Variants in MTUS2 observed in about 807,000 individuals in gnomAD.
The protein encoded by MTUS2 is microtubule associated scaffold protein 2.
Under a neutral mutation model 114.1 loss-of-function variants are expected in MTUS2, and 40 were observed. That is an observed-to-expected ratio of 0.35 (90% CI 0.27 to 0.46). The LOEUF (loss-of-function observed/expected upper bound fraction) is 0.46, where lower values mean the gene tolerates loss of function less well. Ranked by LOEUF, MTUS2 falls within the 20% of genes least tolerant of loss-of-function variation. MTUS2 has a pLI of 1.00. For synonymous variants in MTUS2, 688 were observed against 672.0 expected (o/e 1.02, Z -0.37); for missense variants, 1,679 against 1,705.4 (o/e 0.98, Z 0.27).
chr13:29,362,261 AG>A (rs570773998), intron 8 of MTUS2, among the ~76,000 whole-genome samples: 212 of 152,304 alleles, frequency 1.4e-3, no homozygotes, highest in African/African-American at 4.8e-3. Context: ...CTGTGATTAC[AG>A]GCATGAGCCA....
At chr13:29,448,753 C>CTTTTTT (rs71090255) in intron 9 of MTUS2, among the ~76,000 whole-genome samples, 40 of 115,574 alleles carry the variant, frequency 3.5e-4, no homozygotes, top group African/African-American at 1.3e-3. Context: ...ACAGAGTGCT[C>CTTTTTT]TTTTTTTTTT....
chr13:29,415,510 C>G (rs1484946747), intron 8 of MTUS2, among the ~76,000 whole-genome samples: 2 of 152,194 alleles, frequency 1.3e-5, no homozygotes, highest in Non-Finnish European at 2.9e-5. Context: ...CGTTGGATAT[C>G]AGATTGCTAC....
At chr13:29,380,328 G>C (rs1872109811) in intron 8 of MTUS2, among the ~76,000 whole-genome samples, 1 of 152,214 alleles carries the variant, frequency 6.6e-6, no homozygotes, top group Admixed American at 6.5e-5. Context: ...TTACAGAATA[G>C]TTTCAGACTG....
At chr13:28,881,300 A>G (rs1186516934) in intron 2 of MTUS2, among the ~76,000 whole-genome samples, 1 of 152,188 alleles carries the variant, frequency 6.6e-6, no homozygotes, top group East Asian at 1.9e-4. Context: ...TGCAAAGGAC[A>G]TTAGTCCGTT....
chr13:29,158,621 G>A (rs977643458), intron 5 of MTUS2, among the ~76,000 whole-genome samples: 2 of 151,980 alleles, frequency 1.3e-5, no homozygotes, highest in African/African-American at 2.4e-5. Context: ...AAGGAATAGG[G>A]GATGCAGCAG....
At chr13:29,400,382 C>A (rs1475639381) in intron 8 of MTUS2, among the ~76,000 whole-genome samples, 2 of 152,224 alleles carry the variant, frequency 1.3e-5, no homozygotes, top group African/African-American at 4.8e-5. Flanking sequence ...AAAGATGAGA[C>A]TTTGCCCTCG....
At chr13:28,916,149 G>T (rs748692911) in intron 2 of MTUS2, among the ~76,000 whole-genome samples, 18 of 151,780 alleles carry the variant, frequency 1.2e-4, no homozygotes, top group Non-Finnish European at 2.4e-4. Flanking sequence ...CTATTCCATT[G>T]GTCTATGTGT....
chr13:28,872,327 A>G (rs561160504), intron 2 of MTUS2, among the ~76,000 whole-genome samples: 190 of 152,254 alleles, frequency 1.2e-3, no homozygotes, highest in African/African-American at 4.1e-3. Context: ...ATTTGAGTAG[A>G]TACGATGGCT....
At chr13:28,875,737 C>A (rs1474374827) in intron 2 of MTUS2, among the ~76,000 whole-genome samples, 1 of 152,032 alleles carries the variant, frequency 6.6e-6, no homozygotes, top group African/African-American at 2.4e-5. Context: ...AAAATTATAT[C>A]TTTAAATAAA....
At chr13:29,006,421 T>A (rs1400013547) in intron 2 of MTUS2, among the ~76,000 whole-genome samples, 1 of 152,212 alleles carries the variant, frequency 6.6e-6, no homozygotes, top group East Asian at 1.9e-4. Flanking sequence ...GTAACCCCCC[T>A]ATGGAATAAG....
chr13:29,249,596 C>G (rs1214461870), intron 5 of MTUS2, among the ~76,000 whole-genome samples: 1 of 152,164 alleles, frequency 6.6e-6, no homozygotes, highest in Admixed American at 6.5e-5. Flanking sequence ...TTGTTGGCGG[C>G]ATAAATGTCT....
intron 5 of MTUS2, among the ~76,000 whole-genome samples, chr13:29,123,199 C>A (rs942059726): frequency 6.6e-6 from 1 of 151,582 alleles, no homozygotes; most frequent in African/African-American, 2.4e-5. Context: ...AAATAGTATC[C>A]CTTTTGCTTC....
intron 9 of MTUS2, among the ~76,000 whole-genome samples, chr13:29,456,012 AAGAG>A (rs1879083813): frequency 1.3e-5 from 2 of 152,248 alleles, no homozygotes; most frequent in African/African-American, 4.8e-5. Flanking sequence ...TTGTGTAAAA[AAGAG>A]AAAGAAATGG....
At chr13:29,205,884 C>CT (rs1372916168) in intron 5 of MTUS2, among the ~76,000 whole-genome samples, 3 of 152,138 alleles carry the variant, frequency 2.0e-5, no homozygotes, top group Non-Finnish European at 2.9e-5. Flanking sequence ...GTTCAAGTAT[C>CT]TTTTTCATAT....
chr13:29,496,051 G>T lies in MTUS2; in HGVS notation c.3580-1187G>T, dbSNP rs908399152. 1.3e-5 allele frequency among the ~76,000 whole-genome samples: 2 copies of T among 152,192 alleles called. No individual in the cohort carries two copies. Among genetic ancestry groups the T allele is most frequent in the African/African-American group, 4.8e-5 (2 of 41,432 alleles). On this transcript the variant is annotated intron_variant, in intron 12 of 15. Transcript: ENST00000612955. This position sits in a 1 kb window ranked among gnomAD's most constrained non-coding sequence, Gnocchi z 4.3. The stretch of plus-strand genomic sequence containing the variant: ...TGTGCAAAGAGCTTTGGACTGGTCT[G>T]CATGAGTGAGACATGAAGGGTGAAG...
rs1893913714 is a variant in MTUS2 at position 29,179,567 on chromosome 13, A to G, written c.2644+78597A>G. ...ATTCTCAGCCAACTAAATGTTAGAC[A>G]ATGATGCCATGTGTCCTTAACAAAT... is the stretch of plus-strand genomic sequence containing the variant. On this transcript the variant is annotated intron_variant, in intron 5 of 15. Coordinates refer to ENST00000612955, the MANE Select transcript of MTUS2 (RefSeq NM_001033602.4). Among the ~76,000 whole-genome samples, 3 of 152,232 alleles carry G rather than the reference A, an allele frequency of 2.0e-5. No homozygotes were observed. In the South Asian group the frequency reaches 6.2e-4, roughly 32 times the overall value.
intron 5 of MTUS2, among the ~76,000 whole-genome samples, chr13:29,251,292 G>GATA (rs10526021): frequency 0.55 from 80,795 of 146,302 alleles, 23,442 homozygotes; most frequent in Admixed American, 0.64. Context: ...ATGGGATGAT[G>GATA]ATAATAATAA....
intron 5 of MTUS2, among the ~76,000 whole-genome samples, chr13:29,218,080 A>G (rs899707660): frequency 1.3e-5 from 2 of 152,042 alleles, no homozygotes; most frequent in Non-Finnish European, 2.9e-5. Flanking sequence ...TTGTGCCGTC[A>G]TACTCCAGCC....
At chr13:29,022,003 G>A (rs1886312270) in intron 2 of MTUS2, among the ~76,000 whole-genome samples, 1 of 152,162 alleles carries the variant, frequency 6.6e-6, no homozygotes, top group Non-Finnish European at 1.5e-5. Flanking sequence ...AGGACAGTGA[G>A]GGAGTCGTGG....
Sources: gnomAD v4.1 joint callset for allele counts (sites outside exome capture counted in the v4.1 genomes callset) on GRCh38, gnomAD v4.1.1 for gene constraint, Gnocchi (gnomAD v3.1) non-coding constraint, MANE v1.5 for transcripts, NCBI Gene and HGNC (gene_info 2026-07-23, HGNC 2026-07-21) for gene names.